The following MAEL variants were observed in gnomAD, a reference collection of about 807,000 sequenced individuals.
MAEL encodes the protein protein maelstrom homolog.
In MAEL, 46 loss-of-function variants were observed where a neutral mutation model predicts 62.0. That is an observed-to-expected ratio of 0.74 (90% CI 0.59 to 0.95). MAEL has a LOEUF of 0.95. Ranked by LOEUF, MAEL falls within the 40% of genes least tolerant of loss-of-function variation. MAEL has a pLI of 0.00. For synonymous variants in MAEL, 172 were observed against 175.5 expected, an observed-to-expected ratio of 0.98 and a Z score of 0.16; for missense variants, 497 against 526.8, an observed-to-expected ratio of 0.94 and a Z score of 0.55.
intron 1 of MAEL, among the ~76,000 whole-genome samples, chr1:166,980,199 T>A (rs1183324657): frequency 6.7e-6 from 1 of 148,984 alleles, no homozygotes; most frequent in Admixed American, 6.7e-5. Flanking sequence ...TAATTTGTAT[T>A]TTTTTTTTTA....
intron 11 of MAEL, 130 bp from the exon 12 acceptor site, chr1:167,021,538 A>G (rs762903672): frequency 1.5e-6 from 1 of 657,076 alleles, no homozygotes; most frequent in Non-Finnish European, 2.4e-6. Flanking sequence ...GCTAAAAACA[A>G]AAACATTTTT....
intron 8 of MAEL, among the ~76,000 whole-genome samples, chr1:167,009,045 C>T (rs1665052106): frequency 1.3e-5 from 2 of 152,118 alleles, no homozygotes; most frequent in African/African-American, 4.8e-5. Context: ...GAGATCCACA[C>T]ACATACATCA....
intron 8 of MAEL, among the ~76,000 whole-genome samples, chr1:167,011,549 C>T (rs1571272341): frequency 6.6e-6 from 1 of 152,112 alleles, no homozygotes; most frequent in South Asian, 2.1e-4. Context: ...AAAAGAACTC[C>T]ACTGTTGTCT....
chr1:167,008,246 G>A (rs1173046522), intron 8 of MAEL, among the ~76,000 whole-genome samples: 1 of 152,026 alleles, frequency 6.6e-6, no homozygotes, highest in African/African-American at 2.4e-5. Context: ...GTGCATCTCT[G>A]GGACTGGCGC....
At chr1:167,015,350 T>A (rs1441968214) in intron 8 of MAEL, among the ~76,000 whole-genome samples, 3 of 152,202 alleles carry the variant, frequency 2.0e-5, no homozygotes, top group Non-Finnish European at 4.4e-5. Context: ...AATTCTTAAT[T>A]TTATTTTTAA....
intron 8 of MAEL, among the ~76,000 whole-genome samples, chr1:167,007,531 TTAG>T (rs780915945): frequency 2.0e-5 from 3 of 151,596 alleles, no homozygotes; most frequent in South Asian, 2.1e-4. Flanking sequence ...CTAGATCCCC[TTAG>T]TAGAGAGCTA....
intron 5 of MAEL, among the ~76,000 whole-genome samples, chr1:166,994,633 A>T (rs1664331569): frequency 1.3e-5 from 2 of 150,704 alleles, no homozygotes; most frequent in African/African-American, 4.9e-5. Flanking sequence ...GTCAGTGCAT[A>T]GGGACTATTT....
chr1:167,002,807 G>C (rs2102093131), intron 5 of MAEL, among the ~76,000 whole-genome samples: 1 of 152,258 alleles, frequency 6.6e-6, no homozygotes, highest in East Asian at 1.9e-4. Flanking sequence ...TTTTATGTAA[G>C]TAATATTGCA....
intron 5 of MAEL, among the ~76,000 whole-genome samples, chr1:166,999,114 T>G (rs1299558427): frequency 6.6e-6 from 1 of 152,174 alleles, no homozygotes; most frequent in Non-Finnish European, 1.5e-5. Flanking sequence ...TACAATGGCC[T>G]CTCAGTGTTC....
chr1:167,003,150 A>G (rs1664746622), intron 5 of MAEL, among the ~76,000 whole-genome samples: 1 of 152,170 alleles, frequency 6.6e-6, no homozygotes, highest in South Asian at 2.1e-4. Context: ...GTGCAGTGGT[A>G]TGATCATAAT....
upstream of MAEL, among the ~76,000 whole-genome samples, chr1:166,987,845 T>A (rs1034594677): frequency 2.5e-4 from 38 of 152,178 alleles, 1 homozygote; most frequent in African/African-American, 8.9e-4. Context: ...GAATAGATAA[T>A]TCCCATCTAT....
chr1:166,982,612 G>A (rs561101953), intron 1 of MAEL, among the ~76,000 whole-genome samples: 1 of 152,126 alleles, frequency 6.6e-6, no homozygotes, highest in Non-Finnish European at 1.5e-5. Flanking sequence ...GTGCTCTTCA[G>A]TGGTTTGCAT....
chr1:166,995,641 T>C (rs1664394072), intron 5 of MAEL, among the ~76,000 whole-genome samples: 1 of 151,898 alleles, frequency 6.6e-6, no homozygotes, highest in African/African-American at 2.4e-5. Context: ...TCCCCAACTG[T>C]TACATCATCT....
chr1:167,018,400 G>T (rs1665484613), intron 10 of MAEL, among the ~76,000 whole-genome samples: 1 of 151,914 alleles, frequency 6.6e-6, no homozygotes, highest in Non-Finnish European at 1.5e-5. Context: ...ACCACTAAGT[G>T]CATAGCAGTT....
At chr1:167,001,487 G>T (rs1664664257) in intron 5 of MAEL, among the ~76,000 whole-genome samples, 3 of 152,240 alleles carry the variant, frequency 2.0e-5, no homozygotes, top group East Asian at 1.9e-4. Context: ...GTGATCATTC[G>T]TATTTTTAGC....
At chr1:167,010,677 G>A (rs1445005866) in intron 8 of MAEL, among the ~76,000 whole-genome samples, 2 of 152,072 alleles carry the variant, frequency 1.3e-5, no homozygotes, top group African/African-American at 4.8e-5. Flanking sequence ...CGAACTTCTG[G>A]CCTCAAGTGA....
intron 1 of MAEL, 62 bp from the exon 2 acceptor site, chr1:166,989,675 G>A (rs747881372): frequency 1.7e-4 from 257 of 1,537,846 alleles, no homozygotes; most frequent in Non-Finnish European, 1.6e-4. Flanking sequence ...ATCTGCCTGC[G>A]GGCCCTAGAG....
intron 1 of MAEL, among the ~76,000 whole-genome samples, chr1:166,983,130 T>G (rs1030908282): frequency 6.6e-6 from 1 of 152,208 alleles, no homozygotes; most frequent in African/African-American, 2.4e-5. Context: ...ATTACCTGGG[T>G]TTTTTTCCAC....
chr1:167,007,151 C>T (rs1341818137), intron 8 of MAEL, among the ~76,000 whole-genome samples: 1 of 151,310 alleles, frequency 6.6e-6, no homozygotes, highest in Non-Finnish European at 1.5e-5. Flanking sequence ...AAAAGTTTCT[C>T]CTTTTTACCC....
Sources: allele counts gnomAD v4.1 joint callset (sites outside exome capture counted in the v4.1 genomes callset), GRCh38; gene constraint gnomAD v4.1.1; transcripts MANE v1.5; gene names NCBI Gene and HGNC (gene_info 2026-07-23, HGNC 2026-07-21).